The following AP1M2 variants were observed in gnomAD, a reference collection of about 807,000 sequenced individuals.
The protein encoded by AP1M2 is AP-1 complex subunit mu-2.
AP1M2 carries 41 observed loss-of-function variants against 54.6 expected under a neutral mutation model. The observed-to-expected ratio is 0.75, with a 90% CI of 0.59 to 0.97. AP1M2 has a LOEUF of 0.97. AP1M2 is among the 50% of genes least tolerant of loss of function. The pLI, the probability that AP1M2 is intolerant of heterozygous loss-of-function variation, is 0.00. For missense variants in AP1M2, 507 were observed against 561.2 expected (o/e 0.90, Z 0.98); for synonymous variants, 219 against 215.9 (o/e 1.01, Z -0.13).
chr19:10,585,283 A>AAAGAAAGAAAG (rs1568434699), intron 1 of AP1M2, among the ~76,000 whole-genome samples: 19 of 104,628 alleles, frequency 1.8e-4, no homozygotes, highest in South Asian at 3.2e-4. Flanking sequence ...AAAGAAGAAA[A>AAAGAAAGAAAG]AAAGAAAGAA....
chr19:10,585,302 A>AAGGAAG (rs1491400886), intron 1 of AP1M2, among the ~76,000 whole-genome samples: 776 of 65,872 alleles, frequency 0.012, 22 homozygotes, highest in Non-Finnish European at 0.025. Flanking sequence ...AAAGAAAGAA[A>AAGGAAG]GAAAGAAAGA....
chr19:10,581,670 C>T (rs1258123004), intron 4 of AP1M2, 36 bp from the exon 5 acceptor site: 4 of 1,612,770 alleles, frequency 2.5e-6, no homozygotes, highest in Non-Finnish European at 3.4e-6. Flanking sequence ...CAGCTGGACC[C>T]AGGGACACCT....
rs1302613612 is a variant in AP1M2 at position 10,577,348 on chromosome 19, C to G, written c.897G>C (p.Gly299=). 1.9e-6 allele frequency: 3 copies of G among 1,607,662 alleles called. No homozygotes were observed. Residue 299 remains glycine (G), a synonymous_variant, in exon 9 of 12, where the codon GGG becomes GGC. Coordinates refer to ENST00000250244, the MANE Select transcript of AP1M2 (RefSeq NM_005498.5). ...SRVEIMVKAK[G]QFKKQSVANG... ...TGGCCACTGACTGTTTCTTAAACTGCCCCTTGGCCTGTCAGGGGAGCGAGC... is the reference window on the plus strand; with the variant it reads ...TGGCCACTGACTGTTTCTTAAACTGGCCCTTGGCCTGTCAGGGGAGCGAGC...
At chr19:10,575,712 C>T (rs1917205420) in intron 9 of AP1M2, among the ~76,000 whole-genome samples, 1 of 151,940 alleles carries the variant, frequency 6.6e-6, no homozygotes, top group Non-Finnish European at 1.5e-5. Context: ...CACTTGCATA[C>T]ATACGTACCT....
chr19:10,581,783 GC>G lies in AP1M2; in HGVS notation c.362del (p.Gly121AlafsTer56). 6.2e-7 allele frequency: 1 copy of G among 1,613,786 alleles called. No individual in the cohort carries two copies. Among genetic ancestry groups the G allele is most frequent in the East Asian group, 2.2e-5 (1 of 44,846 alleles). On this transcript the variant is annotated frameshift_variant, in exon 4 of 12. Transcript: ENST00000250244. LOFTEE classifies it high-confidence loss of function. ...YELLDELMDF[G>X]FPQTTDSKIL... ...TCTTGCTGTCGGTGGTCTGCGGGAA[GC>G]CAAAGTCCATGAGCTCGTCCAGCAA...
At chr19:10,579,017 T>A in intron 7 of AP1M2, 54 bp from the exon 8 acceptor site, 14 of 625,704 alleles carry the variant, frequency 2.2e-5, no homozygotes, top group East Asian at 1.2e-4. Flanking sequence ...ACTCTCTTCT[T>A]TTTTTTTTTT....
chr19:10,584,183 G>T, intron 1 of AP1M2, 113 bp from the exon 2 acceptor site: 3 of 1,344,618 alleles, frequency 2.2e-6, no homozygotes, highest in Non-Finnish European at 1.0e-6. Context: ...CTTGGGCAAG[G>T]CTCTGCCTCC....
chr19:10,578,123 G>A (rs1045449619), intron 8 of AP1M2, among the ~76,000 whole-genome samples: 2 of 152,190 alleles, frequency 1.3e-5, no homozygotes, highest in African/African-American at 4.8e-5. Flanking sequence ...CCTCATGGGT[G>A]TGGGCCTGAG....
chr19:10,583,763 C>A, intron 2 of AP1M2, 90 bp from the exon 3 acceptor site: 1 of 1,497,812 alleles, frequency 6.7e-7, no homozygotes, highest in Non-Finnish European at 9.2e-7. Flanking sequence ...CTTGCCACCA[C>A]CCTCATCTCT....
Position 10,583,632 on chromosome 19 carries a change from A to T in AP1M2, c.241T>A (p.Tyr81Asn), listed in dbSNP as rs1356686150. ...TSKNANASLV[Y>N]SFLYKTIEVF... Reference sequence around the variant, plus strand: ...TCTATTGTCTTATACAGGAAGGAGTACACCAGGGAGGCATTGGCATTCTTC... The same window carrying T: ...TCTATTGTCTTATACAGGAAGGAGTTCACCAGGGAGGCATTGGCATTCTTC... The change falls in exon 3 of 12, where the codon TAC becomes AAC. Residue 81 changes from tyrosine (Y) to asparagine (N), a missense_variant. By Grantham distance (143) the Tyr-to-Asn change is moderately radical. Coordinates refer to ENST00000250244, the MANE Select transcript of AP1M2 (RefSeq NM_005498.5). 7 of 1,613,280 alleles carry T rather than the reference A, an allele frequency of 4.3e-6. No homozygotes were observed. The highest frequency in any genetic ancestry group is 2.7e-5 in the African/African-American group (2 of 74,918).
At chr19:10,581,429 A>G (rs758328104) in intron 5 of AP1M2, 37 bp from the exon 6 acceptor site, 1 of 1,610,250 alleles carries the variant, frequency 6.2e-7, no homozygotes, top group East Asian at 2.2e-5. Flanking sequence ...GCAGGCATCA[A>G]ACTCCGTCTC....
At chr19:10,584,928 CAAAAAA>C (rs528842643) in intron 1 of AP1M2, 1 of 138,744 alleles carries the variant, frequency 7.2e-6, no homozygotes, top group Non-Finnish European at 1.6e-5. Flanking sequence ...ACAACAACAA[CAAAAAA>C]AAAAAACAAA....
chr19:10,574,576 C>T (rs1381354015), intron 10 of AP1M2, 84 bp from the exon 11 acceptor site: 12 of 1,219,910 alleles, frequency 9.8e-6, no homozygotes, highest in South Asian at 7.1e-5. Context: ...TTAGGCCAAG[C>T]GGCTATGTGG....
At chr19:10,587,111 C>T (rs1176730436) in intron 1 of AP1M2, 79 bp downstream of exon 1, 102 of 1,493,666 alleles carry the variant, frequency 6.8e-5, no homozygotes, top group Non-Finnish European at 9.1e-5. Context: ...CTTCCTGGCC[C>T]GCGCGGAGGG....
chr19:10,583,686 G>T lies in AP1M2; in HGVS notation c.200-13C>A. 1.9e-6 allele frequency: 3 copies of T among 1,611,926 alleles called. No homozygotes were observed. The highest frequency in any genetic ancestry group is 2.5e-6 in the Non-Finnish European group (3 of 1,178,564). On this transcript the variant is annotated splice_polypyrimidine_tract_variant and intron_variant, in intron 2 of 11. Transcript: ENST00000250244. ...GTGGTGGCCACCACTGGGGCAGCAA[G>T]GTTAAGGAAAAGGTGCCATTTATGG... is the stretch of plus-strand genomic sequence containing the variant.
At chr19:10,585,298 A>AGAAGGAAGGAAGGAAAGAAAGAAAGAAG in intron 1 of AP1M2, among the ~76,000 whole-genome samples, 1 of 87,270 alleles carries the variant, frequency 1.1e-5, no homozygotes, top group Non-Finnish European at 2.4e-5. Context: ...AAAGAAAGAA[A>AGAAGGAAGGAAGGAAAGAAAGAAAGAAG]GAAAGAAAGA....
At position 10,573,005 on chromosome 19, in the gene AP1M2, T is replaced by G; in HGVS notation, c.*61A>C. ...ACACAGCCCGCACCTGCCCTCCCTCTAAAATCTGCATCCGGGGCTGTAAGG... is the reference window on the plus strand; with the variant it reads ...ACACAGCCCGCACCTGCCCTCCCTCGAAAATCTGCATCCGGGGCTGTAAGG... On this transcript the variant is annotated 3_prime_UTR_variant, in exon 12 of 12. Coordinates refer to ENST00000250244, the MANE Select transcript of AP1M2 (RefSeq NM_005498.5). 1.3e-6 allele frequency: 2 copies of G among 1,532,282 alleles called. No individual in the cohort carries two copies. Among genetic ancestry groups the G allele is most frequent in the South Asian group, 2.4e-5 (2 of 83,678 alleles). 94.9% of individuals were successfully genotyped at this position (1,532,282 alleles called of 1,614,324 possible).
intron 7 of AP1M2, 65 bp from the exon 8 acceptor site, chr19:10,579,028 T>C: frequency 7.6e-7 from 1 of 1,317,288 alleles, no homozygotes; most frequent in South Asian, 1.4e-5. Context: ...TTTTTTTTTT[T>C]TTTTTTCTTT....
At chr19:10,586,000 G>A (rs1356776809) in intron 1 of AP1M2, among the ~76,000 whole-genome samples, 2 of 151,818 alleles carry the variant, frequency 1.3e-5, no homozygotes, top group African/African-American at 4.8e-5. Context: ...TAGGCCGGGT[G>A]CGGCCGGGCG....
Sources: allele counts gnomAD v4.1 joint callset (sites outside exome capture counted in the v4.1 genomes callset), GRCh38; gene constraint gnomAD v4.1.1; transcripts MANE v1.5; gene names NCBI Gene and HGNC (gene_info 2026-07-23, HGNC 2026-07-21).